ZRANB3: variants seen among roughly 807,000 people sequenced by gnomAD.
ZRANB3 encodes DNA annealing helicase and endonuclease ZRANB3.
ZRANB3 carries 125 observed loss-of-function variants against 133.8 expected under a neutral mutation model. The observed-to-expected ratio is 0.93, with a 90% CI of 0.81 to 1.08. The LOEUF (loss-of-function observed/expected upper bound fraction) is 1.08, where lower values mean the gene tolerates loss of function less well. ZRANB3 is among the 50% of genes least tolerant of loss of function. ZRANB3 has a pLI of 0.00. For synonymous variants in ZRANB3, 387 were observed against 432.7 expected, an observed-to-expected ratio of 0.89 and a Z score of 1.31; for missense variants, 1,229 against 1,275.5, an observed-to-expected ratio of 0.96 and a Z score of 0.56.
Position 135,207,748 on chromosome 2 carries a change from C to T in ZRANB3, c.2695G>A (p.Gly899Ser). 1 of 1,613,996 alleles carries T rather than the reference C, an allele frequency of 6.2e-7. No individual in the cohort carries two copies. The highest frequency in any genetic ancestry group is 1.1e-5 in the South Asian group (1 of 91,084). The change falls in exon 19 of 21, where the codon GGC (glycine) becomes AGC (serine). Residue 899 changes from glycine to serine, a missense_variant. Coordinates refer to ENST00000264159, the MANE Select transcript of ZRANB3 (RefSeq NM_032143.4). ...DLTVKPSTSK[G>S]YLQAVDNEGN... is the part of the protein sequence containing the mutation. The stretch of plus-strand genomic sequence containing the variant: ...TCATTATCCACAGCTTGCAAATAGC[C>T]TTTGGATGTAGAGGGCTTCACAGTG...
intron 6 of ZRANB3, among the ~76,000 whole-genome samples, chr2:135,339,036 G>A (rs1684505303): frequency 6.6e-6 from 1 of 152,160 alleles, no homozygotes; most frequent in African/African-American, 2.4e-5. Flanking sequence ...AGCACTTAAG[G>A]ATGCTGAAGT....
Position 135,316,720 on chromosome 2 carries a change from C to A in ZRANB3, c.678-1190G>T, listed in dbSNP as rs183213649. Among the ~76,000 whole-genome samples the A allele has an allele frequency of 4.4e-4, 67 of 152,154 alleles. 1 individual carries two copies. The highest frequency in any genetic ancestry group is 6.8e-3 in the Middle Eastern group (2 of 294). On this transcript the variant is annotated intron_variant, in intron 6 of 20. Coordinates refer to ENST00000264159, the MANE Select transcript of ZRANB3 (RefSeq NM_032143.4). ...CGGTGGCTCACGCCCGTAATCCCAG[C>A]ACTTTGGGACGCCAAGGCGAGCAGA... is the stretch of plus-strand genomic sequence containing the variant.
intron 2 of ZRANB3, among the ~76,000 whole-genome samples, chr2:135,485,847 TAG>T (rs573392635): frequency 6.6e-5 from 10 of 152,232 alleles, no homozygotes; most frequent in Non-Finnish European, 1.2e-4. Flanking sequence ...TGTGATCGTT[TAG>T]AGAGTTGTAA....
At chr2:135,223,828 A>G (rs1694650376) in intron 15 of ZRANB3, among the ~76,000 whole-genome samples, 1 of 152,136 alleles carries the variant, frequency 6.6e-6, no homozygotes. Flanking sequence ...GCTTCCTAAC[A>G]TTTACTCAAC....
At chr2:135,426,464 T>C (rs1414023217) in intron 2 of ZRANB3, among the ~76,000 whole-genome samples, 1 of 151,908 alleles carries the variant, frequency 6.6e-6, no homozygotes, top group Non-Finnish European at 1.5e-5. Flanking sequence ...GCAAACAGAA[T>C]CCAGCAGCAC....
intron 12 of ZRANB3, among the ~76,000 whole-genome samples, chr2:135,259,967 G>A (rs910548326): frequency 6.6e-6 from 1 of 152,096 alleles, no homozygotes; most frequent in African/African-American, 2.4e-5. Context: ...GCCCTAAAGA[G>A]GTTAAGGGAA....
chr2:135,357,931 C>T (rs7577288), intron 3 of ZRANB3, among the ~76,000 whole-genome samples: 40,231 of 152,106 alleles, frequency 0.26, 8,894 homozygotes, highest in African/African-American at 0.59. Context: ...AATTGAGTAA[C>T]GGCAAATACC....
Position 135,265,570 on chromosome 2 carries a change from A to T in ZRANB3, c.1503T>A (p.Ser501Arg). The change falls in exon 12 of 21, where the codon AGT (serine) becomes AGA (arginine). Residue 501 changes from serine to arginine, a missense_variant. Coordinates refer to ENST00000264159, the MANE Select transcript of ZRANB3 (RefSeq NM_032143.4). Reference protein sequence around the residue: ...QFAEAWTPNDSSEELRKEALF... With the variant: ...QFAEAWTPNDRSEELRKEALF... Reference sequence around the variant, plus strand: ...AAGCTTCCTTCCTTAACTCTTCAGAACTGTCATTTGGAGTCCAAGCTTCAG... The same window carrying T: ...AAGCTTCCTTCCTTAACTCTTCAGATCTGTCATTTGGAGTCCAAGCTTCAG... The T allele has an allele frequency of 6.2e-7, 1 of 1,613,716 alleles. No individual in the cohort carries two copies. Among genetic ancestry groups the T allele is most frequent in the East Asian group, 2.2e-5 (1 of 44,852 alleles).
chr2:135,425,977 A>T (rs1283312440), intron 2 of ZRANB3, among the ~76,000 whole-genome samples: 1 of 152,158 alleles, frequency 6.6e-6, no homozygotes, highest in African/African-American at 2.4e-5. Flanking sequence ...GAGAAGATCC[A>T]AATAAACACA....
intron 2 of ZRANB3, among the ~76,000 whole-genome samples, chr2:135,443,176 A>G (rs913469827): frequency 7.9e-5 from 12 of 152,036 alleles, no homozygotes; most frequent in African/African-American, 2.9e-4. Flanking sequence ...CATATACACC[A>G]TGGAATACTA....
intron 2 of ZRANB3, among the ~76,000 whole-genome samples, chr2:135,413,597 T>A (rs1024248111): frequency 6.6e-6 from 1 of 152,194 alleles, no homozygotes; most frequent in Non-Finnish European, 1.5e-5. Flanking sequence ...CAAAAACACA[T>A]GAGACTAGGA....
At chr2:135,493,941 G>A (rs987082777) in intron 2 of ZRANB3, among the ~76,000 whole-genome samples, 1 of 152,126 alleles carries the variant, frequency 6.6e-6, no homozygotes, top group Non-Finnish European at 1.5e-5. Context: ...AGATGAAATT[G>A]CTAAAACATT....
At chr2:135,293,579 C>T (rs1285711856) in intron 8 of ZRANB3, among the ~76,000 whole-genome samples, 5 of 152,082 alleles carry the variant, frequency 3.3e-5, no homozygotes, top group Non-Finnish European at 5.9e-5. Flanking sequence ...TAATTGAATG[C>T]CCTTTATTTC....
Position 135,322,546 on chromosome 2 carries a change from T to G in ZRANB3, c.678-7016A>C, listed in dbSNP as rs111866374. 8.2e-3 allele frequency among the ~76,000 whole-genome samples: 1,244 copies of G among 151,450 alleles called. 13 individuals carry two copies. The highest frequency in any genetic ancestry group is 0.028 in the African/African-American group (1,162 of 41,244). ...GCCTGGGCAACATAGCAAGACCCAA[T>G]CTCTATAAAAAATGAAAAACAATTA... On this transcript the variant is annotated intron_variant, in intron 6 of 20. Coordinates refer to ENST00000264159, the MANE Select transcript of ZRANB3 (RefSeq NM_032143.4).
intron 2 of ZRANB3, among the ~76,000 whole-genome samples, chr2:135,499,209 G>A (rs1445218244): frequency 6.6e-5 from 10 of 152,064 alleles, no homozygotes; most frequent in Admixed American, 2.0e-4. Flanking sequence ...CAGGCCAGCC[G>A]ACACTTAGGG....
rs1434600029 is a variant in ZRANB3, at chr2:135,439,997, C to T, written c.162-49177G>A. On this transcript the variant is annotated intron_variant, in intron 2 of 20. Coordinates refer to ENST00000264159, the MANE Select transcript of ZRANB3 (RefSeq NM_032143.4). ...AGACTGCCAGACTTTGGATATATAG[C>T]TAATTCTAATTAAAAAATCAATACA... 3.3e-5 allele frequency among the ~76,000 whole-genome samples: 5 copies of T among 152,220 alleles called. No individual in the cohort carries two copies. In the South Asian group the frequency reaches 1.0e-3, roughly 32 times the overall value.
intron 3 of ZRANB3, among the ~76,000 whole-genome samples, chr2:135,364,595 A>C (rs1238706800): frequency 1.3e-5 from 2 of 151,914 alleles, no homozygotes; most frequent in Admixed American, 1.3e-4. Flanking sequence ...TAAAAATACA[A>C]AAATTAGGCC....
intron 2 of ZRANB3, among the ~76,000 whole-genome samples, chr2:135,437,589 C>T (rs957410985): frequency 1.4e-4 from 22 of 152,172 alleles, no homozygotes; most frequent in Admixed American, 5.9e-4. Flanking sequence ...ATGATGTGGG[C>T]CCTTTCTGCA....
chr2:135,451,257 C>A (rs1287994585), intron 2 of ZRANB3, among the ~76,000 whole-genome samples: 1 of 152,118 alleles, frequency 6.6e-6, no homozygotes, highest in Admixed American at 6.6e-5. Context: ...TATACCATGT[C>A]TGGCATCCAG....
Sources: allele counts gnomAD v4.1 joint callset (sites outside exome capture counted in the v4.1 genomes callset), GRCh38; gene constraint gnomAD v4.1.1; transcripts MANE v1.5; gene names NCBI Gene and HGNC (gene_info 2026-07-23, HGNC 2026-07-21).